FRMD3: variants seen among roughly 807,000 people sequenced by gnomAD.
The protein encoded by FRMD3 is FERM domain-containing protein 3.
Under a neutral mutation model 70.2 loss-of-function variants are expected in FRMD3, and 33 were observed. The ratio of observed to expected loss-of-function variants is 0.47; its 90% CI spans 0.36 to 0.63. The LOEUF (loss-of-function observed/expected upper bound fraction) is 0.63, where lower values mean the gene tolerates loss of function less well. Ranked by LOEUF, FRMD3 falls within the 20% of genes least tolerant of loss-of-function variation. The pLI is 0.00. For missense variants in FRMD3, 632 were observed against 711.4 expected, an observed-to-expected ratio of 0.89 and a Z score of 1.27; for synonymous variants, 279 against 255.9, an observed-to-expected ratio of 1.09 and a Z score of -0.86.
chr9:83,265,763 A>C (rs1177807760), intron 13 of FRMD3, among the ~76,000 whole-genome samples: 2 of 152,180 alleles, frequency 1.3e-5, no homozygotes, highest in African/African-American at 4.8e-5. Flanking sequence ...TATGTGGGGG[A>C]ATAGTCAAGC....
intron 13 of FRMD3, among the ~76,000 whole-genome samples, chr9:83,254,065 T>C (rs1293634757): frequency 7.1e-6 from 1 of 141,302 alleles, no homozygotes; most frequent in African/African-American, 2.7e-5. Context: ...AATTGAACAA[T>C]GAGAACACTT....
chr9:83,270,224 A>C (rs1215776009), intron 13 of FRMD3, among the ~76,000 whole-genome samples: 1 of 152,252 alleles, frequency 6.6e-6, no homozygotes, highest in African/African-American at 2.4e-5. Context: ...AAGAGGCCAA[A>C]GAAAGCAGAA....
In FRMD3 at chr9:83,538,248, G is replaced by T. The variant is rs771626346; in HGVS notation, c.-17C>A. ...GGCGAACATGCACCGCGGCCGTGGG[G>T]AGCGAGCGGGAGGCTCAGGGCCGGC... On this transcript the variant is annotated 5_prime_UTR_variant, in exon 1 of 14. Coordinates refer to ENST00000304195, the MANE Select transcript of FRMD3 (RefSeq NM_174938.6). This position sits in a 1 kb window ranked among gnomAD's most constrained non-coding sequence, Gnocchi z 4.7. 3.9e-6 allele frequency: 6 copies of T among 1,548,108 alleles called. No homozygotes were observed. Among genetic ancestry groups the T allele is most frequent in the Non-Finnish European group, 5.2e-6 (6 of 1,145,946 alleles).
chr9:83,415,064 G>A (rs575698628), intron 1 of FRMD3, among the ~76,000 whole-genome samples: 1 of 152,216 alleles, frequency 6.6e-6, no homozygotes, highest in Non-Finnish European at 1.5e-5. Context: ...ATTGGAGAGG[G>A]TCAGGCAGAG....
intron 1 of FRMD3, among the ~76,000 whole-genome samples, chr9:83,450,756 C>G (rs2131414418): frequency 6.6e-6 from 1 of 152,216 alleles, no homozygotes; most frequent in South Asian, 2.1e-4. Context: ...AAAACAAAAC[C>G]ATTAAACTCT....
At chr9:83,539,495 G>A (rs1829972324), upstream of FRMD3, among the ~76,000 whole-genome samples, 1 of 152,236 alleles carries the variant, frequency 6.6e-6, no homozygotes, top group African/African-American at 2.4e-5. Context: ...TTTGTTAGAA[G>A]AGGAGGTGTT....
intron 13 of FRMD3, among the ~76,000 whole-genome samples, chr9:83,270,396 G>A (rs940387895): frequency 5.3e-5 from 8 of 152,308 alleles, no homozygotes; most frequent in African/African-American, 1.2e-4. Flanking sequence ...ACACAGATCC[G>A]GGGAAAGGCA....
intron 1 of FRMD3, among the ~76,000 whole-genome samples, chr9:83,469,144 G>C (rs931010220): frequency 6.6e-6 from 1 of 152,238 alleles, no homozygotes; most frequent in Non-Finnish European, 1.5e-5. Context: ...ATACAGACGA[G>C]AGCAGGGATG....
intron 1 of FRMD3, among the ~76,000 whole-genome samples, chr9:83,511,807 T>C (rs558886719): frequency 7.9e-5 from 12 of 152,270 alleles, no homozygotes; most frequent in Non-Finnish European, 2.9e-5. Flanking sequence ...CAGGACCACG[T>C]TGACAGGGTT....
the FRMD3 span, among the ~76,000 whole-genome samples, chr9:83,551,091 C>T: frequency 3.3e-5 from 5 of 152,086 alleles, no homozygotes; most frequent in East Asian, 9.6e-4. Context: ...TTTGCCCATT[C>T]CATATAATGT....
At chr9:83,445,083 T>A (rs1008877016) in intron 1 of FRMD3, among the ~76,000 whole-genome samples, 3 of 152,198 alleles carry the variant, frequency 2.0e-5, no homozygotes, top group Non-Finnish European at 2.9e-5. Flanking sequence ...CTATTAGATA[T>A]AAATTAATAA....
At chr9:83,560,046 T>C in the FRMD3 span, among the ~76,000 whole-genome samples, 2 of 152,192 alleles carry the variant, frequency 1.3e-5, no homozygotes, top group African/African-American at 4.8e-5. Context: ...ATGAAAAGGT[T>C]GGATGTGGCA....
the FRMD3 span, among the ~76,000 whole-genome samples, chr9:83,564,457 AAT>A: frequency 1.3e-5 from 2 of 152,224 alleles, no homozygotes; most frequent in Non-Finnish European, 2.9e-5. Context: ...GTGAATATTA[AAT>A]TCTGATTACA....
chr9:83,300,686 TG>T (rs1272099262), intron 10 of FRMD3, among the ~76,000 whole-genome samples: 2 of 152,216 alleles, frequency 1.3e-5, no homozygotes, highest in Non-Finnish European at 2.9e-5. Context: ...CAAAAGGTAT[TG>T]AAATTTTTTA....
chr9:83,446,443 C>G (rs1827466683), intron 1 of FRMD3, among the ~76,000 whole-genome samples: 2 of 151,950 alleles, frequency 1.3e-5, no homozygotes, highest in Admixed American at 6.6e-5. Context: ...GTCAGGAAAT[C>G]AAGACCATCC....
rs946506347 is a variant in FRMD3 at position 83,343,260 on chromosome 9, C to A, written c.402G>T (p.Arg134Ser). The change falls in exon 5 of 14, where the codon AGG becomes AGT. Residue 134 changes from arginine (R) to serine (S), a missense_variant. Physicochemically the swap from Arg to Ser is moderately radical, Grantham distance 110 (BLOSUM62 -1). This residue lies in a region of FRMD3 where 208 missense variants were observed against 247.7 expected (regional missense o/e 0.84). Transcript: ENST00000304195. The stretch of plus-strand genomic sequence containing the variant: ...ACAGCAGGCGGCCATGAAAAATGTC[C>A]CTTTTAATCTGAAGGTATAAAAGGT... Reference protein sequence around the residue: ...TRYLLYLQIKRDIFHGRLLCS... With the variant: ...TRYLLYLQIKSDIFHGRLLCS... The A allele has an allele frequency of 1.4e-5, 22 of 1,613,260 alleles. No homozygotes were observed. The highest frequency in any genetic ancestry group is 1.7e-5 in the Non-Finnish European group (20 of 1,179,412).
chr9:83,287,078 T>G (rs1384461907), intron 13 of FRMD3, among the ~76,000 whole-genome samples: 1 of 152,176 alleles, frequency 6.6e-6, no homozygotes, highest in African/African-American at 2.4e-5. Context: ...TTACTATGCC[T>G]TGTATGCACT....
rs746667996 is a variant in FRMD3 at position 83,538,155 on chromosome 9, T to C, written c.77A>G (p.Lys26Arg). 12 of 1,613,250 alleles carry C rather than the reference T, an allele frequency of 7.4e-6. No homozygotes were observed. Among genetic ancestry groups the C allele is most frequent in the African/African-American group, 1.3e-5 (1 of 74,938 alleles). Residue 26 changes from lysine (K) to arginine (R), a missense_variant, in exon 1 of 14, where the codon AAA becomes AGA. This residue lies in a region of FRMD3 where 208 missense variants were observed against 247.7 expected (regional missense o/e 0.84). Coordinates refer to ENST00000304195, the MANE Select transcript of FRMD3 (RefSeq NM_174938.6). This position sits in a 1 kb window ranked among gnomAD's most constrained non-coding sequence, Gnocchi z 4.7. ...GCATCTCATCTCCTGGCTGAGCGAT[T>C]TGACGCTGGAGCTCCGAAAGTGGAT... is the stretch of plus-strand genomic sequence containing the variant. Reference protein sequence around the residue: ...KMIHFRSSSVKSLSQEMRCTI... With the variant: ...KMIHFRSSSVRSLSQEMRCTI...
intron 13 of FRMD3, among the ~76,000 whole-genome samples, chr9:83,276,751 C>T (rs936975510): frequency 6.6e-6 from 1 of 152,204 alleles, no homozygotes; most frequent in Non-Finnish European, 1.5e-5. Context: ...CTCTTGTTGC[C>T]CAGGCTACAG....
Sources: allele counts gnomAD v4.1 joint callset (sites outside exome capture counted in the v4.1 genomes callset), GRCh38; gene constraint gnomAD v4.1.1; regional missense constraint gnomAD v4.1.1; non-coding constraint Gnocchi (gnomAD v3.1); transcripts MANE v1.5; gene names NCBI Gene and HGNC (gene_info 2026-07-23, HGNC 2026-07-21).